LRRC4C: variants seen among roughly 807,000 people sequenced by gnomAD.
The protein encoded by LRRC4C is leucine-rich repeat-containing protein 4C.
In LRRC4C, 5 loss-of-function variants were observed where a neutral mutation model predicts 33.6. The observed-to-expected ratio is 0.15, with a 90% CI of 0.08 to 0.31. LRRC4C has a LOEUF of 0.31. Ranked by LOEUF, LRRC4C falls within the 10% of genes least tolerant of loss-of-function variation. LRRC4C has a pLI of 1.00. For missense variants in LRRC4C, 560 were observed against 796.7 expected (o/e 0.70, Z 3.58); for synonymous variants, 329 against 302.0 (o/e 1.09, Z -0.93).
intron 4 of LRRC4C, among the ~76,000 whole-genome samples, chr11:40,313,581 ATG>A (rs1555015473): frequency 1.5e-4 from 23 of 148,742 alleles, no homozygotes; most frequent in Non-Finnish European, 3.4e-4. Flanking sequence ...AAAAGAAAAC[ATG>A]CTAGGAGGGG....
At chr11:40,560,299 T>C (rs900785781) in intron 3 of LRRC4C, among the ~76,000 whole-genome samples, 8 of 152,260 alleles carry the variant, frequency 5.3e-5, no homozygotes, top group African/African-American at 1.7e-4. Context: ...GCACCAGGCA[T>C]TGATCTTCTC....
intron 5 of LRRC4C, among the ~76,000 whole-genome samples, chr11:40,204,064 A>C (rs1407327395): frequency 1.3e-5 from 2 of 152,116 alleles, no homozygotes; most frequent in Non-Finnish European, 2.9e-5. Context: ...CTGGGACTAC[A>C]GGTGTGTACC....
chr11:40,709,170 T>C (rs1002494265), intron 2 of LRRC4C, among the ~76,000 whole-genome samples: 4 of 152,200 alleles, frequency 2.6e-5, no homozygotes, highest in African/African-American at 9.6e-5. Flanking sequence ...TTTGCCAGTC[T>C]GTGTCTTTTA....
chr11:40,753,296 C>T lies in LRRC4C; in HGVS notation c.-406-105018G>A, dbSNP rs191332214. 5.7e-4 allele frequency among the ~76,000 whole-genome samples: 86 copies of T among 151,908 alleles called. 1 individual carries two copies. The highest frequency in any genetic ancestry group is 1.0e-3 in the Non-Finnish European group (70 of 67,946). ...TTCGAAGTATAAGAGAGGACTTGAA[C>T]ACATCAAAATGATAAATACTCAAGG... On this transcript the variant is annotated intron_variant, in intron 2 of 6. Transcript: ENST00000528697.
chr11:40,627,281 G>GAGAC (rs1286081800), intron 3 of LRRC4C, among the ~76,000 whole-genome samples: 2 of 151,694 alleles, frequency 1.3e-5, no homozygotes, highest in Admixed American at 6.6e-5. Context: ...GAGAGCGAGA[G>GAGAC]AGAGAGAGAG....
chr11:40,840,907 A>G (rs374076600), intron 2 of LRRC4C, among the ~76,000 whole-genome samples: 8 of 152,178 alleles, frequency 5.3e-5, no homozygotes, highest in African/African-American at 1.9e-4. Context: ...TTTATTTTCC[A>G]CTTATCAATC....
chr11:41,334,692 T>A (rs867830364), intron 1 of LRRC4C, among the ~76,000 whole-genome samples: 14 of 152,088 alleles, frequency 9.2e-5, no homozygotes, highest in East Asian at 3.9e-4. Flanking sequence ...ATAATTTTTT[T>A]AAAAAAACAA....
chr11:40,879,687 G>A (rs1174727078), intron 2 of LRRC4C, among the ~76,000 whole-genome samples: 1 of 152,130 alleles, frequency 6.6e-6, no homozygotes, highest in Non-Finnish European at 1.5e-5. Flanking sequence ...ATTGGAGGAA[G>A]ACCTTCAGGG....
chr11:41,246,601 C>T (rs963387099), intron 1 of LRRC4C, among the ~76,000 whole-genome samples: 1 of 152,202 alleles, frequency 6.6e-6, no homozygotes, highest in Non-Finnish European at 1.5e-5. Flanking sequence ...GCAGCCCCAG[C>T]CACGCCTCCC....
At chr11:40,929,082 T>G (rs987032122) in intron 2 of LRRC4C, among the ~76,000 whole-genome samples, 1 of 152,234 alleles carries the variant, frequency 6.6e-6, no homozygotes, top group Non-Finnish European at 1.5e-5. Context: ...GTTTCTCTTC[T>G]GAATTCTTCA....
intron 1 of LRRC4C, among the ~76,000 whole-genome samples, chr11:41,212,880 T>C (rs1396534158): frequency 1.3e-5 from 2 of 152,230 alleles, no homozygotes; most frequent in Non-Finnish European, 2.9e-5. Context: ...TTAGGTTGAT[T>C]CCATGTACCT....
intron 1 of LRRC4C, among the ~76,000 whole-genome samples, chr11:40,952,875 C>CAG (rs1958768077): frequency 1.8e-5 from 2 of 108,710 alleles, no homozygotes; most frequent in South Asian, 8.3e-4. Context: ...CACACACACA[C>CAG]ACACACACAC....
chr11:40,963,595 G>T (rs1306616151), intron 1 of LRRC4C, among the ~76,000 whole-genome samples: 1 of 151,714 alleles, frequency 6.6e-6, no homozygotes, highest in African/African-American at 2.4e-5. Flanking sequence ...AGCCTGTAAA[G>T]AATTATTTTT....
rs370125017 is a variant in LRRC4C at position 41,295,130 on chromosome 11, A to G, written c.-496+164301T>C. On this transcript the variant is annotated intron_variant, in intron 1 of 6. Transcript: ENST00000528697. ...TTCAAAGAGGGAAATAAAGCATTGC[A>G]GCCTTATCCTAAAATAGTGGAAAAT... Among the ~76,000 whole-genome samples the G allele has an allele frequency of 5.3e-5, 8 of 152,224 alleles. No homozygotes were observed. The South Asian group carries it at 1.4e-3, about 28-fold the overall frequency.
chr11:40,920,750 G>C (rs535089964), intron 2 of LRRC4C, among the ~76,000 whole-genome samples: 69 of 152,076 alleles, frequency 4.5e-4, no homozygotes, highest in African/African-American at 1.6e-3. Context: ...CCTCCCATCC[G>C]AATATGACCA....
At chr11:40,867,642 T>C (rs1404856405) in intron 2 of LRRC4C, among the ~76,000 whole-genome samples, 1 of 152,210 alleles carries the variant, frequency 6.6e-6, no homozygotes, top group African/African-American at 2.4e-5. Context: ...TCTAGCATTA[T>C]GTTAACAGAG....
intron 1 of LRRC4C, among the ~76,000 whole-genome samples, chr11:41,342,523 T>C (rs1262135189): frequency 1.3e-5 from 2 of 152,156 alleles, no homozygotes; most frequent in Admixed American, 1.3e-4. Context: ...GAGACCAGCC[T>C]GATCAACATG....
At chr11:41,190,010 A>G (rs546326942) in intron 1 of LRRC4C, among the ~76,000 whole-genome samples, 3 of 152,346 alleles carry the variant, frequency 2.0e-5, no homozygotes, top group African/African-American at 7.2e-5. Flanking sequence ...CCATTGTTCT[A>G]TAATCAGATT....
intron 2 of LRRC4C, among the ~76,000 whole-genome samples, chr11:40,825,051 T>C (rs1565104147): frequency 1.3e-5 from 2 of 151,852 alleles, no homozygotes; most frequent in Non-Finnish European, 2.9e-5. Context: ...ACTAAGTACA[T>C]TGTGTAGGTG....
Sources: allele counts gnomAD v4.1 joint callset (sites outside exome capture counted in the v4.1 genomes callset), GRCh38; gene constraint gnomAD v4.1.1; transcripts MANE v1.5; gene names NCBI Gene and HGNC (gene_info 2026-07-23, HGNC 2026-07-21).